Variants in KIR2DL4 observed in about 807,000 individuals in gnomAD.
The protein encoded by KIR2DL4 is killer cell immunoglobulin like receptor, two Ig domains and long cytoplasmic tail 4.
A neutral mutation model predicts 31.0 loss-of-function variants in KIR2DL4; 41 were observed. That is an observed-to-expected ratio of 1.32 (90% CI 1.03 to 1.72). The LOEUF is 1.72. Ranked by LOEUF, KIR2DL4 falls within the 40% of genes most tolerant of loss-of-function variation. The pLI is 0.00. For synonymous variants in KIR2DL4, 164 were observed against 133.6 expected (o/e 1.23, Z -1.57); for missense variants, 438 against 353.7 (o/e 1.24, Z -1.91).
At chr19:54,807,181 T>A (rs1202809743) in intron 4 of KIR2DL4, among the ~76,000 whole-genome samples, 5 of 151,210 alleles carry the variant, frequency 3.3e-5, no homozygotes, top group Non-Finnish European at 5.9e-5. Flanking sequence ...AGTCCATCCA[T>A]GTGGCTGCAA....
Position 54,806,108 on chromosome 19 carries a change from C to A in KIR2DL4, c.519C>A (p.Ser173Arg), listed in dbSNP as rs1489301538. The change falls in exon 4 of 8, where the codon AGC becomes AGA. Residue 173 changes from serine to arginine, a missense_variant. By Grantham distance (110) the Ser-to-Arg change is moderately radical (BLOSUM62 -1). Transcript: ENST00000359085. ...AACTTAGGCTCCCTGCAGTGCCCAG[C>A]ATCAATGGAACATTCCAGGCCGACT... The A allele has an allele frequency of 6.2e-6, 10 of 1,611,958 alleles. No individual in the cohort carries two copies. In the African/African-American group the frequency reaches 6.7e-5, roughly 11 times the overall value.
At chr19:54,811,004 T>C (rs2060835362) in intron 5 of KIR2DL4, among the ~76,000 whole-genome samples, 1 of 151,442 alleles carries the variant, frequency 6.6e-6, no homozygotes, top group Admixed American at 6.6e-5. Context: ...TTCACTTCAT[T>C]GATTTCTTTC....
chr19:54,813,141 G>A lies in KIR2DL4; in HGVS notation c.723G>A (p.Leu241=), dbSNP rs371301480. The change falls in exon 6 of 8, where the codon CTG becomes CTA. Residue 241 remains leucine (L), a synonymous_variant. Coordinates refer to ENST00000359085, the Ensembl canonical transcript of KIR2DL4. Reference sequence around the variant, plus strand: ...TTCCTCCAGGTATCGCCAGACACCTGCATGCTGTGATTAGGTACTCAGTGG... The same window carrying A: ...TTCCTCCAGGTATCGCCAGACACCTACATGCTGTGATTAGGTACTCAGTGG... The A allele has an allele frequency of 1.9e-4, 286 of 1,502,872 alleles. 23 individuals are homozygous for A. The South Asian group carries it at 3.1e-3, about 16-fold the overall frequency. 93.1% of individuals were successfully genotyped at this position (1,502,872 alleles called of 1,614,324 possible). A position where few individuals can be genotyped will look rare whatever the true frequency, so the allele number is the denominator to read the frequency against.
intron 3 of KIR2DL4, 77 bp downstream of exon 3, chr19:54,805,154 A>AAGCTCTGG: frequency 7.1e-7 from 1 of 1,405,024 alleles, no homozygotes; most frequent in Non-Finnish European, 9.6e-7. Context: ...TGTCCACCAG[A>AAGCTCTGG]GTCCGATCAT....
intron 5 of KIR2DL4, among the ~76,000 whole-genome samples, chr19:54,812,482 G>C (rs1286299042): frequency 6.6e-6 from 1 of 151,136 alleles, no homozygotes; most frequent in Non-Finnish European, 1.5e-5. Flanking sequence ...CTGATCTCAG[G>C]ATGTTGCTGT....
intron 3 of KIR2DL4, among the ~76,000 whole-genome samples, chr19:54,805,366 C>T (rs893957134): frequency 2.0e-5 from 3 of 151,102 alleles, no homozygotes; most frequent in African/African-American, 7.3e-5. Flanking sequence ...GGCCTGGACT[C>T]TCCCACTGGG....
At chr19:54,805,603 T>C (rs1394541665) in intron 3 of KIR2DL4, among the ~76,000 whole-genome samples, 1 of 151,322 alleles carries the variant, frequency 6.6e-6, no homozygotes, top group Non-Finnish European at 1.5e-5. Context: ...AGGGTCTGAT[T>C]TCTGTCTCCA....
Position 54,813,376 on chromosome 19 carries a change from A to T in KIR2DL4, c.810+148A>T, listed in dbSNP as rs1265559223. ...GAGCTTTCTAGAGAGAGCACCAGAC[A>T]CCCTGCCCCTGCCTTCAGCTCACAG... On this transcript the variant is annotated intron_variant, in intron 6 of 7. Coordinates refer to ENST00000359085, the Ensembl canonical transcript of KIR2DL4. The T allele has an allele frequency of 3.7e-5, 47 of 1,261,144 alleles. No individual in the cohort carries two copies. The Middle Eastern group carries it at 8.1e-4, about 22-fold the overall frequency. The allele number at this position is 1,261,144 out of a possible 1,614,324, so 78.1% of individuals were successfully genotyped here.
intron 3 of KIR2DL4, 88 bp from the exon 4 acceptor site, chr19:54,805,863 G>A (rs1190051490): frequency 1.7e-6 from 2 of 1,206,780 alleles, no homozygotes; most frequent in Admixed American, 2.2e-5. Flanking sequence ...CTAGGCCATA[G>A]AGCAGGGCAG....
At chr19:54,814,190 A>T (rs1340392634) in exon 8 of KIR2DL4, 3 of 1,499,068 alleles carry the variant, frequency 2.0e-6, no homozygotes, top group African/African-American at 1.4e-5. Context: ...ACCAATGTCT[A>T]AGGTCCCCAC....
At chr19:54,808,931 T>A in intron 5 of KIR2DL4, 48 bp downstream of exon 5, 1 of 1,470,562 alleles carries the variant, frequency 6.8e-7, no homozygotes, top group South Asian at 1.1e-5. Flanking sequence ...CCTGGGGAGG[T>A]AGAAGCCTTG....
At position 54,812,393 on chromosome 19, in the gene KIR2DL4, A is replaced by G. The variant is rs367543815; in HGVS notation, c.707-732A>G. Among the ~76,000 whole-genome samples, 33 of 151,466 alleles carry G rather than the reference A, an allele frequency of 2.2e-4. 1 individual carries two copies. Among genetic ancestry groups the G allele is most frequent in the Middle Eastern group, 3.4e-3 (1 of 294 alleles). ...GTTTTGTACCCTGGAGCCACAGGGAACACTCAGCTAAAGCACTGCATGATG... is the reference window on the plus strand; with the variant it reads ...GTTTTGTACCCTGGAGCCACAGGGAGCACTCAGCTAAAGCACTGCATGATG... On this transcript the variant is annotated intron_variant, in intron 5 of 7. Transcript: ENST00000359085.
rs535311853 is a variant in KIR2DL4, at chr19:54,810,408, T to C, written c.706+1525T>C. 9.9e-5 allele frequency among the ~76,000 whole-genome samples: 15 copies of C among 151,342 alleles called. No individual in the cohort carries two copies. In the East Asian group the frequency reaches 1.4e-3, roughly 14 times the overall value. Reference sequence around the variant, plus strand: ...TCCCAAAGTGCTGAGATTAGAGGCGTGAGCCAAGGCGCCGAGCCGTATTTT... The same window carrying C: ...TCCCAAAGTGCTGAGATTAGAGGCGCGAGCCAAGGCGCCGAGCCGTATTTT... On this transcript the variant is annotated intron_variant, in intron 5 of 7. Coordinates refer to ENST00000359085, the Ensembl canonical transcript of KIR2DL4.
At chr19:54,813,658 C>T in intron 6 of KIR2DL4, 32 bp from the exon 6 acceptor site, 3 of 1,608,018 alleles carry the variant, frequency 1.9e-6, no homozygotes, top group Non-Finnish European at 1.7e-6. Context: ...AAGTGCCCTC[C>T]CAGCTGTTTT....
rs1444418841 is a variant in KIR2DL4, at chr19:54,810,369, C to T, written c.706+1486C>T. Among the ~76,000 whole-genome samples, 176 of 151,090 alleles carry T rather than the reference C, an allele frequency of 1.2e-3. 5 individuals are homozygous for T. Among genetic ancestry groups the T allele is most frequent in the Admixed American group, 0.012 (176 of 15,156 alleles). ...CTCAAACTCCCAACCTTAAGGGATC[C>T]GCCCGTCTCAGCCTCCCAAAGTGCT... On this transcript the variant is annotated intron_variant, in intron 5 of 7. Coordinates refer to ENST00000359085, the Ensembl canonical transcript of KIR2DL4.
chr19:54,807,268 C>T (rs1215836205), intron 4 of KIR2DL4, among the ~76,000 whole-genome samples: 10 of 150,752 alleles, frequency 6.6e-5, no homozygotes, highest in Non-Finnish European at 1.2e-4. Context: ...ATCCATTCAT[C>T]CACTGATGGG....
intron 6 of KIR2DL4, chr19:54,813,339 G>A: frequency 6.5e-7 from 1 of 1,527,348 alleles, no homozygotes; most frequent in East Asian, 2.4e-5. Context: ...CCCAAGGCAG[G>A]AGCCAGAGGC....
intron 4 of KIR2DL4, among the ~76,000 whole-genome samples, chr19:54,807,212 G>C (rs76827991): frequency 0.34 from 50,813 of 149,520 alleles, 10,114 homozygotes; most frequent in African/African-American, 0.51. Flanking sequence ...GTTACTCTTT[G>C]TATGGATGAG....
At chr19:54,812,853 A>C (rs1378095214) in intron 5 of KIR2DL4, among the ~76,000 whole-genome samples, 1 of 39,946 alleles carries the variant, frequency 2.5e-5, no homozygotes. Context: ...CACCCCTCCC[A>C]ATAGGCACAA....
Sources: allele counts gnomAD v4.1 joint callset (sites outside exome capture counted in the v4.1 genomes callset), GRCh38; gene constraint gnomAD v4.1.1; transcripts MANE v1.5; gene names NCBI Gene and HGNC (gene_info 2026-07-23, HGNC 2026-07-21).